The following TAF4B variants were observed in gnomAD, a reference collection of about 807,000 sequenced individuals.
TAF4B encodes TATA-box binding protein associated factor 4b.
TAF4B carries 38 observed loss-of-function variants against 86.4 expected under a neutral mutation model. The ratio of observed to expected loss-of-function variants is 0.44; its 90% CI spans 0.34 to 0.58. The LOEUF (loss-of-function observed/expected upper bound fraction) is 0.58, where lower values mean the gene tolerates loss of function less well. TAF4B is among the 20% of genes least tolerant of loss of function. TAF4B has a pLI of 0.02. For missense variants in TAF4B, 988 were observed against 1,027.6 expected, an observed-to-expected ratio of 0.96 and a Z score of 0.53; for synonymous variants, 388 against 391.2, an observed-to-expected ratio of 0.99 and a Z score of 0.10.
chr18:26,344,971 A>T (rs148466424), intron 13 of TAF4B, among the ~76,000 whole-genome samples: 1,644 of 152,330 alleles, frequency 0.011, 10 homozygotes, highest in Non-Finnish European at 0.017. Context: ...AGAATAACCC[A>T]GCCAGCCCCT....
At chr18:26,234,790 T>C (rs2055723886) in intron 1 of TAF4B, among the ~76,000 whole-genome samples, 1 of 152,148 alleles carries the variant, frequency 6.6e-6, no homozygotes, top group African/African-American at 2.4e-5. Flanking sequence ...CACAAGTACA[T>C]ATTTGAAGCA....
At chr18:26,326,108 C>T (rs1014466741) in intron 11 of TAF4B, among the ~76,000 whole-genome samples, 16 of 152,102 alleles carry the variant, frequency 1.1e-4, no homozygotes, top group African/African-American at 3.9e-4. Context: ...ATCCGAATTA[C>T]TGAGATGAAT....
At chr18:26,381,977 C>CTA (rs35059118) in intron 14 of TAF4B, among the ~76,000 whole-genome samples, 139,930 of 151,890 alleles carry the variant, frequency 0.92, 64,910 homozygotes, top group East Asian at 0.99. Context: ...ATATTTCATT[C>CTA]GAGTTATTTT....
intron 13 of TAF4B, among the ~76,000 whole-genome samples, chr18:26,352,149 A>G (rs746263301): frequency 9.9e-5 from 15 of 152,114 alleles, no homozygotes; most frequent in Non-Finnish European, 1.8e-4. Flanking sequence ...AGAAAACAAA[A>G]TGATAGACCT....
chr18:26,348,237 G>A, intron 13 of TAF4B: 1 of 152,028 alleles, frequency 6.6e-6, no homozygotes, highest in East Asian at 1.9e-4. Flanking sequence ...GACCACCATG[G>A]AATAAAAGTA....
chr18:26,327,275 T>C, intron 12 of TAF4B, 135 bp downstream of exon 12: 1 of 1,079,582 alleles, frequency 9.3e-7, no homozygotes, highest in Non-Finnish European at 1.3e-6. Context: ...AAATTACTAA[T>C]AGGATGTCTC....
chr18:26,250,552 C>G (rs992630799), intron 1 of TAF4B, among the ~76,000 whole-genome samples: 1 of 151,842 alleles, frequency 6.6e-6, no homozygotes, highest in Non-Finnish European at 1.5e-5. Context: ...CCATTTCGCC[C>G]AGGCTGGTTT....
chr18:26,263,013 C>T (rs1263991791), intron 1 of TAF4B, among the ~76,000 whole-genome samples: 2 of 152,116 alleles, frequency 1.3e-5, no homozygotes, highest in African/African-American at 2.4e-5. Flanking sequence ...TGCAGTGGCA[C>T]CATCATAGCT....
chr18:26,329,138 G>A (rs1223943997), intron 12 of TAF4B, among the ~76,000 whole-genome samples: 2 of 151,746 alleles, frequency 1.3e-5, no homozygotes, highest in Non-Finnish European at 2.9e-5. Flanking sequence ...GCTCACTGCA[G>A]CCTTCACCTC....
chr18:26,378,731 A>C (rs892262929), intron 14 of TAF4B, among the ~76,000 whole-genome samples: 5 of 152,152 alleles, frequency 3.3e-5, no homozygotes, highest in African/African-American at 1.2e-4. Context: ...CTCTGCAATT[A>C]CTGATCTAAT....
At chr18:26,231,034 C>CTTTTTTTTTTTTTTTTTTTTTTTTTTTT (rs536863843) in intron 1 of TAF4B, among the ~76,000 whole-genome samples, 1 of 66,164 alleles carries the variant, frequency 1.5e-5, no homozygotes. Context: ...TGTTGTTTTG[C>CTTTTTTTTTTTTTTTTTTTTTTTTTTTT]TTTTTTTTTT....
intron 12 of TAF4B, among the ~76,000 whole-genome samples, chr18:26,327,384 C>G (rs1478286): frequency 0.35 from 53,238 of 151,998 alleles, 11,531 homozygotes; most frequent in East Asian, 0.81. Context: ...ATCCTCAAAC[C>G]CAGGTAAAAT....
chr18:26,258,704 A>T lies in TAF4B; in HGVS notation c.344-6466A>T, dbSNP rs550955842. ...TCTTCTCAGTTTAAATTAAAAAAAAATTTTTTTTAGAGACAAGGTCTTGCT... is the reference window on the plus strand; with the variant it reads ...TCTTCTCAGTTTAAATTAAAAAAAATTTTTTTTTAGAGACAAGGTCTTGCT... On this transcript the variant is annotated intron_variant, in intron 1 of 14. Transcript: ENST00000269142. Among the ~76,000 whole-genome samples the T allele has an allele frequency of 6.6e-5, 10 of 151,654 alleles. No individual in the cohort carries two copies. The South Asian group carries it at 1.0e-3, about 16-fold the overall frequency.
chr18:26,278,053 A>G (rs559211327), intron 5 of TAF4B, among the ~76,000 whole-genome samples: 2 of 152,332 alleles, frequency 1.3e-5, no homozygotes, highest in African/African-American at 4.8e-5. Flanking sequence ...ACAAATACCC[A>G]AGTCTGAATA....
Position 26,360,110 on chromosome 18 carries a change from G to A in TAF4B, c.2421+2316G>A, listed in dbSNP as rs1035367312. ...TCATCCCTCAGATTATTTTAAAGTC[G>A]TTCCCACACTCAGTATTATTTAATA... On this transcript the variant is annotated intron_variant, in intron 14 of 14. Transcript: ENST00000269142. 5.3e-5 allele frequency among the ~76,000 whole-genome samples: 8 copies of A among 152,062 alleles called. No homozygotes were observed. In the South Asian group the frequency reaches 8.3e-4, roughly 16 times the overall value.
At chr18:26,302,522 T>A (rs2056746699) in intron 9 of TAF4B, among the ~76,000 whole-genome samples, 1 of 151,714 alleles carries the variant, frequency 6.6e-6, no homozygotes, top group Non-Finnish European at 1.5e-5. Flanking sequence ...CCATAACAAT[T>A]GGCTAGTTTT....
Position 26,306,097 on chromosome 18 carries a change from T to C in TAF4B, c.1833-9132T>C, listed in dbSNP as rs536913875. On this transcript the variant is annotated intron_variant, in intron 9 of 14. Coordinates refer to ENST00000269142, the MANE Select transcript of TAF4B (RefSeq NM_005640.3). Reference sequence around the variant, plus strand: ...TGTGGTGTTAGGGATCCGTGCTCCATGTTTGCCTCCTTTCTGTTCTTCGGA... The same window carrying C: ...TGTGGTGTTAGGGATCCGTGCTCCACGTTTGCCTCCTTTCTGTTCTTCGGA... 2.6e-5 allele frequency among the ~76,000 whole-genome samples: 4 copies of C among 152,354 alleles called. No homozygotes were observed. In the East Asian group the frequency reaches 7.7e-4, roughly 29 times the overall value.
intron 6 of TAF4B, among the ~76,000 whole-genome samples, chr18:26,283,352 T>C (rs2056472779): frequency 6.6e-6 from 1 of 152,162 alleles, no homozygotes; most frequent in African/African-American, 2.4e-5. Flanking sequence ...ACAATAATGA[T>C]CTCCTTGTAC....
At chr18:26,265,078 A>G in intron 1 of TAF4B, 92 bp from the exon 2 acceptor site, 1 of 1,314,238 alleles carries the variant, frequency 7.6e-7, no homozygotes, top group South Asian at 1.5e-5. Flanking sequence ...ACATCTTTTT[A>G]AAGTGTTGAA....
Sources: allele counts gnomAD v4.1 joint callset (sites outside exome capture counted in the v4.1 genomes callset), GRCh38; gene constraint gnomAD v4.1.1; transcripts MANE v1.5; gene names NCBI Gene and HGNC (gene_info 2026-07-23, HGNC 2026-07-21).